SLC2A9: variants seen among roughly 807,000 people sequenced by gnomAD.
The protein encoded by SLC2A9 is solute carrier family 2, facilitated glucose transporter member 9.
Under a neutral mutation model 50.6 loss-of-function variants are expected in SLC2A9, and 39 were observed. That is an observed-to-expected ratio of 0.77 (90% confidence interval 0.60 to 1.01). The LOEUF is 1.01. Among genes scored for constraint, SLC2A9 ranks in the 50% least tolerant of loss-of-function variants. The pLI is 0.00. For synonymous variants in SLC2A9, 324 were observed against 276.9 expected, an observed-to-expected ratio of 1.17 and a Z score of -1.69; for missense variants, 686 against 677.6, an observed-to-expected ratio of 1.01 and a Z score of -0.14.
At chr4:9,841,281 TTCCCTTTCCTATTGGCCATC>T (rs1292085643) in intron 10 of SLC2A9, among the ~76,000 whole-genome samples, 1 of 152,226 alleles carries the variant, frequency 6.6e-6, no homozygotes, top group African/African-American at 2.4e-5. Context: ...TCAGCTTTGT[TTCCCTTTCCTATTGGCCATC>T]TCGTGAGCGA....
intron 3 of SLC2A9, chr4:9,783,023 G>A (rs1560112879): frequency 5.0e-6 from 8 of 1,614,178 alleles, no homozygotes; most frequent in Non-Finnish European, 6.8e-6. Flanking sequence ...CCCTCCGGCC[G>A]GCTTCCCCTG....
At chr4:9,864,748 C>T (rs1732174585) in intron 10 of SLC2A9, among the ~76,000 whole-genome samples, 1 of 152,220 alleles carries the variant, frequency 6.6e-6, no homozygotes, top group South Asian at 2.1e-4. Context: ...TCTTCCTGTC[C>T]TTGTATACTT....
At chr4:9,911,284 C>G (rs1365493644) in intron 7 of SLC2A9, among the ~76,000 whole-genome samples, 1 of 152,088 alleles carries the variant, frequency 6.6e-6, no homozygotes, top group African/African-American at 2.4e-5. Flanking sequence ...CCTGTCTGCC[C>G]CGGGGCAGAC....
At chr4:9,903,890 A>G (rs994029745) in intron 8 of SLC2A9, among the ~76,000 whole-genome samples, 6 of 147,530 alleles carry the variant, frequency 4.1e-5, no homozygotes, top group Middle Eastern at 3.6e-3. Context: ...ATATATTTAT[A>G]TATTTTATAT....
intron 10 of SLC2A9, among the ~76,000 whole-genome samples, chr4:9,836,053 A>G (rs1483807939): frequency 7.0e-6 from 1 of 142,924 alleles, no homozygotes; most frequent in African/African-American, 2.6e-5. Flanking sequence ...AGCATATTGC[A>G]CACCAGCCTG....
At chr4:9,779,602 G>C (rs1295348278), downstream of SLC2A9, among the ~76,000 whole-genome samples, 3 of 151,884 alleles carry the variant, frequency 2.0e-5, no homozygotes, top group Admixed American at 1.3e-4. Flanking sequence ...TTTTAGTAGA[G>C]AGGGAGTTTC....
intron 5 of SLC2A9, 82 bp downstream of exon 5, chr4:9,980,510 C>T: frequency 1.9e-6 from 3 of 1,599,636 alleles, no homozygotes; most frequent in Non-Finnish European, 2.6e-6. Flanking sequence ...AATACAGGGA[C>T]CAGCTTTTGG....
At chr4:9,880,852 TG>T (rs1440519500) in intron 10 of SLC2A9, among the ~76,000 whole-genome samples, 2 of 152,338 alleles carry the variant, frequency 1.3e-5, no homozygotes, top group East Asian at 3.9e-4. Flanking sequence ...ATAACTGCCC[TG>T]GGCTGGCTGC....
At position 9,920,520 on chromosome 4, in the gene SLC2A9, G is replaced by A; in HGVS notation, c.867C>T (p.Val289=). The change falls in exon 7 of 12, where the codon GTC becomes GTT. Residue 289 remains valine, a synonymous_variant. Coordinates refer to ENST00000264784, the MANE Select transcript of SLC2A9 (RefSeq NM_020041.3). The stretch of plus-strand genomic sequence containing the variant: ...TCCTCTGCACGCGGCTCTCAGCCAG[G>A]ACCTCCTCTACCTCTTGGGAAACGT... ...KADVSQEVEE[V]LAESRVQRSI... The A allele has an allele frequency of 1.2e-6, 2 of 1,614,198 alleles. No individual in the cohort carries two copies. The highest frequency in any genetic ancestry group is 1.7e-6 in the Non-Finnish European group (2 of 1,180,040).
rs548736492 is a variant in SLC2A9, at chr4:9,867,964, A to C, written c.1291+19603T>G. Among the ~76,000 whole-genome samples the C allele has an allele frequency of 3.3e-5, 5 of 152,274 alleles. No individual in the cohort carries two copies. In the South Asian group the frequency reaches 1.0e-3, roughly 32 times the overall value. On this transcript the variant is annotated intron_variant, in intron 10 of 11. Transcript: ENST00000264784. ...GGAATGCACTGCCCAGACACACTCAATTACAGGCCTCTGAGAACGTGCCTT... is the reference window on the plus strand; with the variant it reads ...GGAATGCACTGCCCAGACACACTCACTTACAGGCCTCTGAGAACGTGCCTT...
At chr4:9,898,208 G>A (rs1196171029) in intron 8 of SLC2A9, among the ~76,000 whole-genome samples, 1 of 152,182 alleles carries the variant, frequency 6.6e-6, no homozygotes, top group African/African-American at 2.4e-5. Context: ...AACACCTGAT[G>A]GAGGGCAGGG....
chr4:9,891,450 C>T (rs1737416472), intron 8 of SLC2A9, among the ~76,000 whole-genome samples: 1 of 152,226 alleles, frequency 6.6e-6, no homozygotes, highest in Non-Finnish European at 1.5e-5. Context: ...CATGTCACTT[C>T]ACTTCCCAAA....
chr4:9,804,801 G>A (rs955365526), intron 3 of SLC2A9, among the ~76,000 whole-genome samples: 10 of 152,150 alleles, frequency 6.6e-5, no homozygotes, highest in African/African-American at 1.4e-4. Flanking sequence ...TTCCAGCTTC[G>A]CCACTTTGTT....
At chr4:9,774,253 A>C (rs894190835) in intron 1 of SLC2A9, among the ~76,000 whole-genome samples, 1 of 152,138 alleles carries the variant, frequency 6.6e-6, no homozygotes, top group Admixed American at 6.5e-5. Context: ...CTCGGCCCCT[A>C]AAGTGCTGGG....
intron 10 of SLC2A9, among the ~76,000 whole-genome samples, chr4:9,861,493 CA>C: frequency 6.6e-6 from 1 of 152,258 alleles, no homozygotes; most frequent in East Asian, 1.9e-4. Flanking sequence ...GACACAACTC[CA>C]AACCATATAA....
chr4:9,781,864 T>C, intron 3 of SLC2A9: 1 of 550,980 alleles, frequency 1.8e-6, no homozygotes, highest in East Asian at 3.2e-5. Context: ...GCAAGAGAAG[T>C]CCCCGCGCGC....
intron 2 of SLC2A9, 89 bp downstream of exon 2, chr4:10,018,886 G>A (rs1207952714): frequency 3.0e-6 from 4 of 1,316,676 alleles, no homozygotes; most frequent in Non-Finnish European, 4.3e-6. Flanking sequence ...GAGCGCAACA[G>A]GAGGGGGCGC....
downstream of SLC2A9, among the ~76,000 whole-genome samples, chr4:9,794,446 C>A (rs1159971256): frequency 6.6e-6 from 1 of 152,194 alleles, no homozygotes. Context: ...AGCCACCACA[C>A]CTGGCCTTGT....
chr4:9,803,918 T>C lies in SLC2A9; in HGVS notation n.421-4677A>G, dbSNP rs1213374752. Among the ~76,000 whole-genome samples, 3 of 152,332 alleles carry C rather than the reference T, an allele frequency of 2.0e-5. No individual in the cohort carries two copies. The East Asian group carries it at 5.8e-4, about 29-fold the overall frequency. ...ATAATCACCAAGATAGATTGTGTTT[T>C]TGTTTTGATAAAGCTTAGATGAAGT... On this transcript the variant is annotated intron_variant and non_coding_transcript_variant, in intron 3 of 3. Transcript: ENST00000503280.
Sources: allele counts gnomAD v4.1 joint callset (sites outside exome capture counted in the v4.1 genomes callset), GRCh38; gene constraint gnomAD v4.1.1; transcripts MANE v1.5; gene names NCBI Gene and HGNC (gene_info 2026-07-23, HGNC 2026-07-21).